The following SRFBP1 variants were observed in gnomAD, a reference collection of about 807,000 sequenced individuals.
SRFBP1 encodes the protein serum response factor binding protein 1.
SRFBP1 carries 47 observed loss-of-function variants against 45.5 expected under a neutral mutation model. The observed-to-expected ratio is 1.03, with a 90% confidence interval of 0.82 to 1.32. SRFBP1 has a LOEUF of 1.32. Ranked by LOEUF, SRFBP1 falls within the 40% of genes most tolerant of loss-of-function variation. SRFBP1 has a pLI of 0.00. For missense variants in SRFBP1, 621 were observed against 484.6 expected (o/e 1.28, Z -2.64); for synonymous variants, 203 against 166.3 (o/e 1.22, Z -1.70).
intron 2 of SRFBP1, among the ~76,000 whole-genome samples, chr5:122,054,913 A>G (rs1754052485): frequency 6.6e-6 from 1 of 152,338 alleles, no homozygotes; most frequent in South Asian, 2.1e-4. Context: ...GGCTTATGAC[A>G]TTTACATTCT....
At chr5:121,994,476 T>C in intron 3 of SRFBP1, 123 bp from the exon 4 acceptor site, 1 of 665,044 alleles carries the variant, frequency 1.5e-6, no homozygotes, top group South Asian at 1.8e-5. Context: ...TTATGGGAGT[T>C]AATTCTTTTC....
At position 121,962,004 on chromosome 5, in the gene SRFBP1, C is replaced by G. The variant is rs746440034; in HGVS notation, c.-29C>G. ...TCTGAGAGACCGGTTCACGTGCAGG[C>G]AGCGGCGGATCATATTCCTTCATCT... On this transcript the variant is annotated 5_prime_UTR_variant, in exon 1 of 8. Coordinates refer to ENST00000339397, the MANE Select transcript of SRFBP1 (RefSeq NM_152546.3). The G allele has an allele frequency of 6.2e-7, 1 of 1,613,444 alleles. No individual in the cohort carries two copies. The highest frequency in any genetic ancestry group is 1.1e-5 in the South Asian group (1 of 91,078).
chr5:121,963,061 T>C (rs1299988250), intron 1 of SRFBP1, among the ~76,000 whole-genome samples: 1 of 152,154 alleles, frequency 6.6e-6, no homozygotes, highest in Non-Finnish European at 1.5e-5. Flanking sequence ...CCTTGGTCTT[T>C]AGGGATCTTG....
At chr5:122,011,987 G>A (rs943469863) in intron 4 of SRFBP1, among the ~76,000 whole-genome samples, 4 of 152,010 alleles carry the variant, frequency 2.6e-5, no homozygotes, top group Non-Finnish European at 5.9e-5. Flanking sequence ...GGAGCTTTAC[G>A]CAATTTATAG....
intron 4 of SRFBP1, among the ~76,000 whole-genome samples, chr5:122,013,334 A>G (rs972572949): frequency 1.3e-5 from 2 of 152,112 alleles, no homozygotes; most frequent in African/African-American, 4.8e-5. Context: ...TTCATTTATA[A>G]AAATTAGAAG....
At chr5:122,008,568 T>TTTG (rs1008252039) in intron 4 of SRFBP1, among the ~76,000 whole-genome samples, 11 of 152,228 alleles carry the variant, frequency 7.2e-5, no homozygotes, top group Admixed American at 1.3e-4. Context: ...TCAATGTGTT[T>TTTG]TTGTTGTTGT....
downstream of SRFBP1, among the ~76,000 whole-genome samples, chr5:122,031,720 TA>T (rs925442701): frequency 1.0e-4 from 15 of 150,502 alleles, no homozygotes; most frequent in African/African-American, 3.2e-4. Context: ...GCATAATAGC[TA>T]AAAAAAAAGA....
At chr5:122,047,381 T>C (rs953971934) in intron 2 of SRFBP1, among the ~76,000 whole-genome samples, 1 of 151,972 alleles carries the variant, frequency 6.6e-6, no homozygotes, top group Non-Finnish European at 1.5e-5. Context: ...ATTTCTGAGG[T>C]CTCTGTTCTG....
intron 1 of SRFBP1, among the ~76,000 whole-genome samples, chr5:121,963,441 A>G (rs1751992791): frequency 6.6e-6 from 1 of 152,120 alleles, no homozygotes. Flanking sequence ...TGTCCCTGGG[A>G]TTTCAACCCC....
intron 3 of SRFBP1, among the ~76,000 whole-genome samples, chr5:121,988,220 AG>A (rs1752554013): frequency 6.6e-6 from 1 of 152,212 alleles, no homozygotes. Context: ...GCCACAAAGC[AG>A]AATACAAGGA....
intron 2 of SRFBP1, among the ~76,000 whole-genome samples, chr5:122,072,300 G>C (rs986497092): frequency 1.3e-5 from 2 of 152,130 alleles, no homozygotes; most frequent in Non-Finnish European, 2.9e-5. Context: ...AAGCAAAAAC[G>C]AGTTACTAAG....
At chr5:122,039,019 GAAC>G (rs1753733689) in intron 2 of SRFBP1, among the ~76,000 whole-genome samples, 1 of 152,026 alleles carries the variant, frequency 6.6e-6, no homozygotes. Context: ...GAAAAACAAT[GAAC>G]AAGTACTTCC....
At chr5:122,077,769 C>T (rs1414622659), downstream of SRFBP1, 2 of 1,550,322 alleles carry the variant, frequency 1.3e-6, no homozygotes, top group Non-Finnish European at 1.7e-6. The surrounding 1 kb of genome is among the most constrained non-coding windows in gnomAD (Gnocchi z 4.9). Flanking sequence ...ACGGCGGCGC[C>T]CGGGTCCCGG....
intron 3 of SRFBP1, among the ~76,000 whole-genome samples, chr5:121,992,193 G>T (rs900728368): frequency 1.3e-5 from 2 of 152,116 alleles, no homozygotes; most frequent in Non-Finnish European, 2.9e-5. Context: ...TAGACTTTCA[G>T]TGGGGCCATA....
intron 3 of SRFBP1, among the ~76,000 whole-genome samples, chr5:121,984,196 G>A (rs1308219010): frequency 2.0e-5 from 3 of 151,738 alleles, no homozygotes; most frequent in Non-Finnish European, 4.4e-5. Context: ...ATAAGGCTTC[G>A]TGCCTTAGGG....
Position 122,033,724 on chromosome 5 carries a change from G to T in SRFBP1, n.311+11317G>T, listed in dbSNP as rs1052548713. 5.3e-5 allele frequency among the ~76,000 whole-genome samples: 8 copies of T among 151,602 alleles called. No homozygotes were observed. The South Asian group carries it at 1.0e-3, about 20-fold the overall frequency. On this transcript the variant is annotated intron_variant and non_coding_transcript_variant, in intron 2 of 2. Coordinates refer to the SRFBP1 transcript ENST00000504881. ...TCTACCTGCCTCAGACTCCCAGAGC[G>T]CTGGGATTACATGTGTGAGCCCCCA... is the stretch of plus-strand genomic sequence containing the variant.
chr5:122,022,743 T>C (rs1276872351), intron 7 of SRFBP1, among the ~76,000 whole-genome samples: 2 of 152,230 alleles, frequency 1.3e-5, no homozygotes, highest in Non-Finnish European at 2.9e-5. Flanking sequence ...CCGTTAAACA[T>C]TGAATAACAA....
chr5:121,996,817 C>G lies in SRFBP1; in HGVS notation c.270+2147C>G, dbSNP rs530737610. On this transcript the variant is annotated intron_variant, in intron 4 of 7. Transcript: ENST00000339397. ...AGCTGATAAGCAACTTCAGCAAAGTCTCAGGATACAAAATCAATGTACAAA... is the reference window on the plus strand; with the variant it reads ...AGCTGATAAGCAACTTCAGCAAAGTGTCAGGATACAAAATCAATGTACAAA... Among the ~76,000 whole-genome samples, 81 of 139,178 alleles carry G rather than the reference C, an allele frequency of 5.8e-4. 1 individual carries two copies. The highest frequency in any genetic ancestry group is 9.7e-4 in the Non-Finnish European group (64 of 65,776). The allele number at this position is 139,178 out of a possible 152,430, so 91.3% of individuals were successfully genotyped here. A position where few individuals can be genotyped will look rare whatever the true frequency, so the allele number is the denominator to read the frequency against.
intron 3 of SRFBP1, among the ~76,000 whole-genome samples, chr5:121,985,248 TA>T (rs1752487089): frequency 1.3e-5 from 2 of 151,832 alleles, no homozygotes. Context: ...CAGTGAGTCT[TA>T]AAAGTTGAAT....
Sources: allele counts gnomAD v4.1 joint callset (sites outside exome capture counted in the v4.1 genomes callset), GRCh38; gene constraint gnomAD v4.1.1; non-coding constraint Gnocchi (gnomAD v3.1); transcripts MANE v1.5; gene names NCBI Gene and HGNC (gene_info 2026-07-23, HGNC 2026-07-21).